The following GPSM1 variants were observed in gnomAD, a reference collection of about 807,000 sequenced individuals.
GPSM1 encodes the protein G protein-signaling modulator 1.
In GPSM1, 48 loss-of-function variants were observed where a neutral mutation model predicts 70.5. The ratio of observed to expected loss-of-function variants is 0.68; its 90% CI spans 0.54 to 0.87. The LOEUF (loss-of-function observed/expected upper bound fraction) is 0.87, where lower values mean the gene tolerates loss of function less well. GPSM1 is among the 40% of genes least tolerant of loss of function. The pLI is 0.00. For synonymous variants in GPSM1, 416 were observed against 430.1 expected (o/e 0.97, Z 0.41); for missense variants, 981 against 972.6 (o/e 1.01, Z -0.11).
chr9:136,340,838 A>G lies in GPSM1; in HGVS notation c.1084-32A>G. ...AGCCCACAGCAGGGCCCCCAGCCACACCTGCCCGCTCCGCCACCCCACTCG... is the reference window on the plus strand; with the variant it reads ...AGCCCACAGCAGGGCCCCCAGCCACGCCTGCCCGCTCCGCCACCCCACTCG... On this transcript the variant is annotated intron_variant, in intron 8 of 13. Coordinates refer to ENST00000440944, the MANE Select transcript of GPSM1 (RefSeq NM_001145638.3). The surrounding 1 kb of genome is among the most constrained non-coding windows in gnomAD (Gnocchi z 7.3). The G allele has an allele frequency of 1.9e-6, 3 of 1,539,578 alleles. No homozygotes were observed. In the South Asian group the frequency reaches 3.6e-5, roughly 19 times the overall value.
chr9:136,356,985 A>T (rs528855505), intron 13 of GPSM1, among the ~76,000 whole-genome samples: 2 of 152,294 alleles, frequency 1.3e-5, no homozygotes, highest in East Asian at 3.9e-4. Flanking sequence ...CTGGTGGGAC[A>T]AAAACAGGGA....
At chr9:136,356,603 G>C in intron 13 of GPSM1, 53 bp downstream of exon 13, 1 of 1,363,232 alleles carries the variant, frequency 7.3e-7, no homozygotes, top group Non-Finnish European at 1.0e-6. Flanking sequence ...CCATCCACGT[G>C]TGTGGAGGCA....
intron 11 of GPSM1, among the ~76,000 whole-genome samples, chr9:136,352,081 A>C (rs376815295): frequency 6.8e-6 from 1 of 146,760 alleles, no homozygotes; most frequent in African/African-American, 2.6e-5. Flanking sequence ...TGGTGACACC[A>C]ATACTGCGCC....
chr9:136,355,652 G>C (rs782111603), intron 11 of GPSM1, 38 bp from the exon 12 acceptor site: 2 of 1,601,236 alleles, frequency 1.2e-6, no homozygotes, highest in Admixed American at 1.7e-5. Context: ...GGGTCTGCGG[G>C]GCTAGCTTTG....
chr9:136,358,213 C>T lies in GPSM1; in HGVS notation c.2021C>T (p.Ala674Val), dbSNP rs957457301. The change falls in exon 14 of 14, where the codon GCG becomes GTG. Residue 674 changes from alanine (A) to valine (V), a missense_variant. Transcript: ENST00000440944. ...PEPQQQCQPG[A>V]S ...CCCCAGCAGCAGTGCCAGCCTGGTG[C>T]GAGCTAAGGCCCTGTGCCCACCGCC... 7 of 1,546,374 alleles carry T rather than the reference C, an allele frequency of 4.5e-6. No individual in the cohort carries two copies. The highest frequency in any genetic ancestry group is 1.4e-5 in the African/African-American group (1 of 73,264).
At chr9:136,349,857 CCCGGGCACT>C (rs1832616158) in intron 11 of GPSM1, 94 bp downstream of exon 11, 2 of 1,248,126 alleles carry the variant, frequency 1.6e-6, no homozygotes, top group Non-Finnish European at 2.2e-6. Context: ...CCAGGTCAGG[CCCGGGCACT>C]CCGGGGAGGC....
chr9:136,343,223 C>T lies in GPSM1; in HGVS notation c.1207+2230C>T, dbSNP rs1238013539. 2.0e-5 allele frequency among the ~76,000 whole-genome samples: 3 copies of T among 152,162 alleles called. No individual in the cohort carries two copies. The highest frequency in any genetic ancestry group is 4.4e-5 in the Non-Finnish European group (3 of 68,016). ...CCCCCACCTCCCTGGCCAGAGGGCACAGGCCCGGGCCTCCCACACTTGCTC... is the reference window on the plus strand; with the variant it reads ...CCCCCACCTCCCTGGCCAGAGGGCATAGGCCCGGGCCTCCCACACTTGCTC... On this transcript the variant is annotated intron_variant, in intron 9 of 13. Transcript: ENST00000440944. The surrounding 1 kb of genome is among the most constrained non-coding windows in gnomAD (Gnocchi z 6.0).
chr9:136,332,436 G>T (rs1373277229), intron 1 of GPSM1, among the ~76,000 whole-genome samples: 5 of 152,256 alleles, frequency 3.3e-5, no homozygotes, highest in African/African-American at 9.6e-5. Context: ...AGGGAGGCGG[G>T]AGGTGGCTCC....
At chr9:136,349,829 C>T (rs1832615219) in intron 11 of GPSM1, 66 bp downstream of exon 11, 8 of 1,434,528 alleles carry the variant, frequency 5.6e-6, no homozygotes, top group Non-Finnish European at 7.5e-6. Flanking sequence ...GCCCCAACTC[C>T]ACTGCCAGCC....
At position 136,338,636 on chromosome 9, in the gene GPSM1, G is replaced by C; in HGVS notation, c.900G>C (p.Thr300=). 6.2e-7 allele frequency: 1 copy of C among 1,606,576 alleles called. No individual in the cohort carries two copies. Among genetic ancestry groups the C allele is most frequent in the Non-Finnish European group, 8.5e-7 (1 of 1,177,760 alleles). ...GCTACAGTCTGGGCAACACCTACAC[G>C]CTGCTGCAGGACTACGAGCGCGCGG... The part of the protein sequence containing the change: ...QACYSLGNTY[T]LLQDYERAAE... The change falls in exon 7 of 14, where the codon ACG becomes ACC. Residue 300 remains threonine, a synonymous_variant. Transcript: ENST00000440944.
At chr9:136,339,257 G>A (rs1190173768) in intron 7 of GPSM1, among the ~76,000 whole-genome samples, 7 of 152,266 alleles carry the variant, frequency 4.6e-5, no homozygotes, top group East Asian at 3.8e-4. Flanking sequence ...GATCGTCCAC[G>A]TGAAAATGAT....
At chr9:136,337,786 C>T (rs149468868) in intron 5 of GPSM1, 60 bp from the exon 6 acceptor site, 17,264 of 1,338,822 alleles carry the variant, frequency 0.013, 182 homozygotes, top group Middle Eastern at 0.034. Flanking sequence ...AGCCCCTGTC[C>T]GCCCACGTCA....
intron 1 of GPSM1, among the ~76,000 whole-genome samples, chr9:136,328,669 A>C (rs1471136670): frequency 2.0e-5 from 3 of 152,166 alleles, no homozygotes; most frequent in Admixed American, 2.0e-4. Flanking sequence ...GAAATGAGGT[A>C]CTGGTGGCGG....
chr9:136,356,331 G>T lies in GPSM1; in HGVS notation c.1613-11G>T. The stretch of plus-strand genomic sequence containing the variant: ...ACTGGGTCCCAGGTCTCACCCTCTG[G>T]CCCCCCGCAGCCCAGCCCTCGATGA... On this transcript the variant is annotated splice_polypyrimidine_tract_variant and intron_variant, in intron 12 of 13. Transcript: ENST00000440944. 1 of 1,551,442 alleles carries T rather than the reference G, an allele frequency of 6.4e-7. No individual in the cohort carries two copies.
chr9:136,344,254 C>T (rs1312434458), intron 9 of GPSM1, among the ~76,000 whole-genome samples: 2 of 143,064 alleles, frequency 1.4e-5, no homozygotes, highest in East Asian at 4.1e-4. Context: ...CAGACAGGAG[C>T]AGGGGAGGCG....
Position 136,358,294 on chromosome 9 carries a change from CCCGAGGCCATTG to C in GPSM1, c.*81_*92del. 1 of 1,322,564 alleles carries C rather than the reference CCCGAGGCCATTG, an allele frequency of 7.6e-7. No homozygotes were observed. Among genetic ancestry groups the C allele is most frequent in the Non-Finnish European group, 1.0e-6 (1 of 962,118 alleles). The allele number at this position is 1,322,564 out of a possible 1,614,324, so 81.9% of individuals were successfully genotyped here. A position where few individuals can be genotyped will look rare whatever the true frequency, so the allele number is the denominator to read the frequency against. On this transcript the variant is annotated 3_prime_UTR_variant, in exon 14 of 14. Coordinates refer to ENST00000440944, the MANE Select transcript of GPSM1 (RefSeq NM_001145638.3). ...GGTCTCACAGTCACAGCCACGTCCT[CCCGAGGCCATTG>C]CCGAGGACAGGCACTGGGCATGCAG...
At chr9:136,339,283 C>T (rs529124037) in intron 7 of GPSM1, among the ~76,000 whole-genome samples, 3 of 152,368 alleles carry the variant, frequency 2.0e-5, no homozygotes, top group African/African-American at 2.4e-5. Flanking sequence ...TCCTGTTAGA[C>T]GCATTTCCCT....
At chr9:136,357,722 C>CT (rs1554773434) in intron 13 of GPSM1, among the ~76,000 whole-genome samples, 1 of 152,238 alleles carries the variant, frequency 6.6e-6, no homozygotes, top group Non-Finnish European at 1.5e-5. Context: ...TAGCCACTGT[C>CT]TCCTGGGCCT....
In GPSM1 at chr9:136,358,114, A is replaced by G; in HGVS notation, c.1922A>G (p.Gln641Arg). The G allele has an allele frequency of 6.2e-7, 1 of 1,612,380 alleles. No homozygotes were observed. The highest frequency in any genetic ancestry group is 8.5e-7 in the Non-Finnish European group (1 of 1,179,644). Residue 641 changes from glutamine (Q) to arginine (R), a missense_variant, in exon 14 of 14, where the codon CAG becomes CGG. Coordinates refer to ENST00000440944, the MANE Select transcript of GPSM1 (RefSeq NM_001145638.3). The part of the protein sequence containing the change: ...EDFFSLIQRV[Q>R]AKRMDEQRVD... The stretch of plus-strand genomic sequence containing the variant: ...TTCTTCAGCCTCATTCAGAGGGTGC[A>G]GGCTAAGCGCATGGACGAGCAGCGG...
Sources: gnomAD v4.1 joint callset for allele counts (sites outside exome capture counted in the v4.1 genomes callset) on GRCh38, gnomAD v4.1.1 for gene constraint, Gnocchi (gnomAD v3.1) non-coding constraint, MANE v1.5 for transcripts, NCBI Gene and HGNC (gene_info 2026-07-23, HGNC 2026-07-21) for gene names.